CHRDL1: variants seen among roughly 807,000 people sequenced by gnomAD.
CHRDL1 encodes chordin-like protein 1.
In CHRDL1, 19 loss-of-function variants were observed where a neutral mutation model predicts 40.9. The ratio of observed to expected loss-of-function variants is 0.46; its 90% confidence interval spans 0.32 to 0.68. CHRDL1 has a LOEUF of 0.68. CHRDL1 is among the 30% of genes least tolerant of loss of function. CHRDL1 has a pLI of 0.03. For missense variants in CHRDL1, 329 were observed against 352.1 expected (o/e 0.93, Z 0.53); for synonymous variants, 136 against 123.4 (o/e 1.10, Z -0.68).
intron 4 of CHRDL1, among the ~76,000 whole-genome samples, chrX:110,748,618 C>T (rs937531058): frequency 8.9e-6 from 1 of 112,293 alleles, no homozygotes; most frequent in African/African-American, 3.2e-5. Context: ...TTCACTTCCT[C>T]ATTTCTACCA....
chrX:110,763,277 C>T (rs2089597400), intron 2 of CHRDL1, among the ~76,000 whole-genome samples: 1 of 107,757 alleles, frequency 9.3e-6, no homozygotes, highest in Admixed American at 1.0e-4. Context: ...TCTTGTCCCC[C>T]TCCCACTCTT....
At chrX:110,746,893 A>G (rs2089264889) in intron 4 of CHRDL1, among the ~76,000 whole-genome samples, 1 of 111,686 alleles carries the variant, frequency 9.0e-6, no homozygotes, top group African/African-American at 3.3e-5. Flanking sequence ...TTTCTTGTTC[A>G]CTGTCAATGC....
intron 7 of CHRDL1, 73 bp downstream of exon 7, chrX:110,700,581 T>G: frequency 1.4e-6 from 1 of 714,140 alleles, no homozygotes; most frequent in South Asian, 2.3e-5. Context: ...TTTGCTAGAA[T>G]AGTAGCCACG....
In CHRDL1 at chrX:110,721,518, G is replaced by T. The variant is rs1278161853; in HGVS notation, c.314C>A (p.Pro105His). Residue 105 changes from proline (P) to histidine (H), a missense_variant, in exon 5 of 12, where the codon CCC (proline) becomes CAC (histidine). Transcript: ENST00000372042. Reference protein sequence around the residue: ...CCPRCPEDSLPPVNNKVTSKS... With the variant: ...CCPRCPEDSLHPVNNKVTSKS... ...GCTGGTCACCTTATTGTTCACTGGG[G>T]GTAAGGAGTCTTCTAGAACAGGGTG... The T allele has an allele frequency of 1.7e-6, 2 of 1,207,644 alleles. No individual in the cohort carries two copies. The highest frequency in any genetic ancestry group is 2.2e-5 in the Admixed American group (1 of 46,038).
intron 7 of CHRDL1, among the ~76,000 whole-genome samples, chrX:110,698,784 C>T: frequency 8.9e-6 from 1 of 112,503 alleles, no homozygotes. Context: ...GCTAAGGTGG[C>T]CATAGTGCTT....
chrX:110,688,343 A>G (rs2070068690), intron 9 of CHRDL1, among the ~76,000 whole-genome samples: 1 of 111,953 alleles, frequency 8.9e-6, no homozygotes, highest in Admixed American at 9.5e-5. Flanking sequence ...CTATTTAGAA[A>G]AGCATAGGTA....
chrX:110,700,591 G>A (rs904252004), intron 7 of CHRDL1, 63 bp downstream of exon 7: 15 of 752,075 alleles, frequency 2.0e-5, no homozygotes, highest in Non-Finnish European at 2.9e-5. Flanking sequence ...TAGTAGCCAC[G>A]AGGAGAGGAA....
chrX:110,727,196 T>G (rs2071073947), intron 4 of CHRDL1, among the ~76,000 whole-genome samples: 1 of 111,843 alleles, frequency 8.9e-6, no homozygotes, highest in African/African-American at 3.2e-5. Flanking sequence ...TAAAAAAGAT[T>G]CCTTGCTGAA....
rs570095466 is a variant in CHRDL1 at position 110,773,025 on chromosome X, A to G, written c.95-10218T>C. Among the ~76,000 whole-genome samples the G allele has an allele frequency of 3.6e-5, 4 of 112,653 alleles. No homozygotes were observed. In the South Asian group the frequency reaches 1.1e-3, roughly 31 times the overall value. On this transcript the variant is annotated intron_variant, in intron 2 of 11. Coordinates refer to ENST00000372042, the MANE Select transcript of CHRDL1 (RefSeq NM_001143981.2). ...TTAGAAATGACCAATGTCACAATCC[A>G]TAAAAGCACTCTATTTTGCTACCAA...
At chrX:110,795,177 A>G (rs983740981) in intron 1 of CHRDL1, among the ~76,000 whole-genome samples, 2 of 111,662 alleles carry the variant, frequency 1.8e-5, no homozygotes, top group Non-Finnish European at 3.8e-5. Context: ...CTTTAGTGGC[A>G]GGGCTGGGAG....
chrX:110,685,265 C>A (rs2069984339), intron 9 of CHRDL1, among the ~76,000 whole-genome samples: 1 of 111,465 alleles, frequency 9.0e-6, no homozygotes. Flanking sequence ...CACTTTCTTT[C>A]TTTCTTTTTT....
At chrX:110,726,454 T>C (rs1232121783) in intron 4 of CHRDL1, among the ~76,000 whole-genome samples, 1 of 111,741 alleles carries the variant, frequency 8.9e-6, no homozygotes, top group Non-Finnish European at 1.9e-5. Context: ...ACAAATCTGA[T>C]GGTACCTTGA....
chrX:110,689,664 T>TATC lies in CHRDL1; in HGVS notation c.779-864_779-862dup, dbSNP rs2070160572. On this transcript the variant is annotated intron_variant, in intron 8 of 11. Coordinates refer to ENST00000372042, the MANE Select transcript of CHRDL1 (RefSeq NM_001143981.2). ...TATATATATCTATATATCATCTATA[T>TATC]ATCTATATATCTATATATCTATATA... Among the ~76,000 whole-genome samples the TATC allele has an allele frequency of 9.2e-4, 31 of 33,792 alleles. 3 individuals are homozygous for TATC. Among genetic ancestry groups the TATC allele is most frequent in the Non-Finnish European group, 1.1e-3 (26 of 24,051 alleles). 29.3% of individuals were successfully genotyped at this position (33,792 alleles called of 115,157 possible).
intron 7 of CHRDL1, 36 bp downstream of exon 7, chrX:110,700,618 G>C: frequency 1.0e-6 from 1 of 955,535 alleles, no homozygotes; most frequent in Non-Finnish European, 1.5e-6. Context: ...GCCTGATGCT[G>C]TGGAGTGTTG....
intron 2 of CHRDL1, among the ~76,000 whole-genome samples, chrX:110,777,990 C>A (rs2089879072): frequency 9.0e-6 from 1 of 111,026 alleles, no homozygotes; most frequent in African/African-American, 3.3e-5. Context: ...TCAACAAAAA[C>A]AAGCAATGGA....
At chrX:110,779,401 T>C (rs2089905429) in intron 2 of CHRDL1, among the ~76,000 whole-genome samples, 1 of 111,590 alleles carries the variant, frequency 9.0e-6, no homozygotes, top group Non-Finnish European at 1.9e-5. Flanking sequence ...AATCTATGTC[T>C]AGATTTATTT....
chrX:110,710,927 C>A (rs757334685), intron 6 of CHRDL1, among the ~76,000 whole-genome samples: 2 of 111,370 alleles, frequency 1.8e-5, no homozygotes, highest in South Asian at 3.8e-4. Flanking sequence ...AGTATCTATG[C>A]GGAATTGGTT....
At chrX:110,717,851 C>T (rs757844987) in intron 6 of CHRDL1, among the ~76,000 whole-genome samples, 1 of 111,707 alleles carries the variant, frequency 9.0e-6, no homozygotes, top group Non-Finnish European at 1.9e-5. Context: ...CCAGCAAATC[C>T]TATAATTTTT....
intron 1 of CHRDL1, among the ~76,000 whole-genome samples, chrX:110,793,063 CG>C (rs1361819972): frequency 8.9e-6 from 1 of 112,119 alleles, no homozygotes; most frequent in Admixed American, 9.4e-5. Flanking sequence ...CATCTAGTCA[CG>C]GATCATTTCC....
Sources: gnomAD v4.1 joint callset for allele counts (sites outside exome capture counted in the v4.1 genomes callset) on GRCh38, gnomAD v4.1.1 for gene constraint, MANE v1.5 for transcripts, NCBI Gene and HGNC (gene_info 2026-07-23, HGNC 2026-07-21) for gene names.